The following SLC9A9 variants were observed in gnomAD, a reference collection of about 807,000 sequenced individuals.
The protein encoded by SLC9A9 is solute carrier family 9 member A9, also known as sodium/hydrogen exchanger 9.
In SLC9A9, 62 loss-of-function variants were observed where a neutral mutation model predicts 77.8. The ratio of observed to expected loss-of-function variants is 0.80; its 90% confidence interval spans 0.65 to 0.98. SLC9A9 has a LOEUF of 0.98. Among genes scored for constraint, SLC9A9 ranks in the 50% least tolerant of loss-of-function variants. The pLI is 0.00. For missense variants in SLC9A9, 775 were observed against 774.9 expected (o/e 1.00, Z 0.00); for synonymous variants, 320 against 283.5 (o/e 1.13, Z -1.29).
intron 6 of SLC9A9, among the ~76,000 whole-genome samples, chr3:143,606,566 A>C (rs1221666701): frequency 6.7e-6 from 1 of 150,218 alleles, no homozygotes; most frequent in East Asian, 1.9e-4. Context: ...AGATTTTCTA[A>C]AACAACTGCA....
intron 4 of SLC9A9, among the ~76,000 whole-genome samples, chr3:143,694,974 C>G (rs1162666007): frequency 6.6e-6 from 1 of 151,978 alleles, no homozygotes; most frequent in Non-Finnish European, 1.5e-5. Context: ...GAATCTTAAC[C>G]AGGCTGAAGG....
chr3:143,773,023 G>A (rs1311791328), intron 4 of SLC9A9, among the ~76,000 whole-genome samples: 2 of 152,206 alleles, frequency 1.3e-5, no homozygotes, highest in Non-Finnish European at 2.9e-5. Flanking sequence ...GGAAATCATG[G>A]TGGAGTTGAT....
chr3:143,593,522 A>G (rs1262376018), intron 6 of SLC9A9, among the ~76,000 whole-genome samples: 1 of 152,202 alleles, frequency 6.6e-6, no homozygotes, highest in Non-Finnish European at 1.5e-5. Context: ...AAATCCAATT[A>G]AAAAATACTT....
At chr3:143,750,834 T>C (rs988792093) in intron 4 of SLC9A9, among the ~76,000 whole-genome samples, 1 of 151,668 alleles carries the variant, frequency 6.6e-6, no homozygotes, top group Non-Finnish European at 1.5e-5. Flanking sequence ...AAGAACCTTT[T>C]GAAAAAATTT....
intron 6 of SLC9A9, among the ~76,000 whole-genome samples, chr3:143,599,355 A>C (rs1256911227): frequency 1.3e-5 from 2 of 152,246 alleles, no homozygotes; most frequent in Admixed American, 1.3e-4. Context: ...CTAATAATAA[A>C]AGGACTTTTC....
At chr3:143,294,314 G>T (rs2030153710) in intron 14 of SLC9A9, among the ~76,000 whole-genome samples, 2 of 152,190 alleles carry the variant, frequency 1.3e-5, no homozygotes. Context: ...GAGGGAGGAA[G>T]GGGGAGCGGT....
chr3:143,316,085 G>A (rs1273179201), intron 14 of SLC9A9, among the ~76,000 whole-genome samples: 1 of 152,212 alleles, frequency 6.6e-6, no homozygotes. Flanking sequence ...AGAATTGACG[G>A]ACATTAGGGA....
Position 143,446,860 on chromosome 3 carries a change from T to C in SLC9A9, c.1469+20177A>G, listed in dbSNP as rs575013935. Among the ~76,000 whole-genome samples the C allele has an allele frequency of 2.7e-5, 4 of 145,900 alleles. No homozygotes were observed. The East Asian group carries it at 8.3e-4, about 30-fold the overall frequency. Reference sequence around the variant, plus strand: ...TTAAAATGCTTCAATATGGCTGAGATATAAGGTAGGTGTGTATGTGTGTGT... The same window carrying C: ...TTAAAATGCTTCAATATGGCTGAGACATAAGGTAGGTGTGTATGTGTGTGT... On this transcript the variant is annotated intron_variant, in intron 12 of 15. Transcript: ENST00000316549.
chr3:143,549,467 A>C (rs1024706669), intron 9 of SLC9A9, among the ~76,000 whole-genome samples: 5 of 152,224 alleles, frequency 3.3e-5, no homozygotes, highest in African/African-American at 1.2e-4. Context: ...ATGAAGTGGA[A>C]GGGAATTAGC....
chr3:143,531,224 C>G (rs986960385), intron 9 of SLC9A9, among the ~76,000 whole-genome samples: 15 of 152,196 alleles, frequency 9.9e-5, no homozygotes, highest in Admixed American at 9.8e-4. Flanking sequence ...TCCGCTTGAG[C>G]ATTTTGGCCT....
In SLC9A9 at chr3:143,707,995, G is replaced by A. The variant is rs138564612; in HGVS notation, c.534-14688C>T. ...TTGCATGTTTGGGTCAGTTTCTGCT[G>A]CTATAGCAACCCACACAGCTGCCTG... On this transcript the variant is annotated intron_variant, in intron 4 of 15. Coordinates refer to ENST00000316549, the MANE Select transcript of SLC9A9 (RefSeq NM_173653.4). Among the ~76,000 whole-genome samples, 15 of 152,262 alleles carry A rather than the reference G, an allele frequency of 9.9e-5. No individual in the cohort carries two copies. In the East Asian group the frequency reaches 2.9e-3, roughly 29 times the overall value.
At chr3:143,386,574 AG>A (rs1309488673) in intron 12 of SLC9A9, among the ~76,000 whole-genome samples, 3 of 152,228 alleles carry the variant, frequency 2.0e-5, no homozygotes, top group Non-Finnish European at 4.4e-5. Flanking sequence ...CCTGTTATAT[AG>A]TAAGTTTTTA....
At chr3:143,500,909 A>C (rs975843521) in intron 9 of SLC9A9, among the ~76,000 whole-genome samples, 1 of 150,516 alleles carries the variant, frequency 6.6e-6, no homozygotes. Flanking sequence ...GAGTTTTATA[A>C]TATTTGGGAA....
intron 12 of SLC9A9, among the ~76,000 whole-genome samples, chr3:143,444,819 G>A (rs191234165): frequency 8.5e-5 from 13 of 152,302 alleles, no homozygotes; most frequent in Admixed American, 7.8e-4. Context: ...GGAAAGAAAG[G>A]TTTCATTCAA....
chr3:143,535,489 A>T (rs189128175), intron 9 of SLC9A9, among the ~76,000 whole-genome samples: 1 of 152,206 alleles, frequency 6.6e-6, no homozygotes, highest in Non-Finnish European at 1.5e-5. Flanking sequence ...TTTGGAAAAC[A>T]TTGTGTAACT....
intron 4 of SLC9A9, among the ~76,000 whole-genome samples, chr3:143,792,914 C>A (rs1200990883): frequency 2.6e-5 from 4 of 152,130 alleles, no homozygotes. Context: ...TCTGACTTTT[C>A]ATCTTCAAGC....
intron 6 of SLC9A9, among the ~76,000 whole-genome samples, chr3:143,611,101 A>G (rs1353495701): frequency 6.6e-6 from 1 of 152,232 alleles, no homozygotes; most frequent in Admixed American, 6.5e-5. Context: ...ATAGAAGGCT[A>G]GAAAAAAATT....
intron 4 of SLC9A9, among the ~76,000 whole-genome samples, chr3:143,756,232 C>T (rs2006919913): frequency 6.6e-6 from 1 of 152,168 alleles, no homozygotes. Flanking sequence ...AGGCCACAAT[C>T]CCATAACTAG....
rs2008781854 is a variant in SLC9A9 at position 143,808,474 on chromosome 3, CT to C, written c.379-11572del. ...GATTCTGGGCTCTTAGTACATTTGACTTTTGGTGTACAAAGCTTGGCTTGTA... is the reference window on the plus strand; with the variant it reads ...GATTCTGGGCTCTTAGTACATTTGACTTTGGTGTACAAAGCTTGGCTTGTA... On this transcript the variant is annotated intron_variant, in intron 2 of 15. Transcript: ENST00000316549. Among the ~76,000 whole-genome samples the C allele has an allele frequency of 3.3e-5, 5 of 152,166 alleles. No homozygotes were observed. The South Asian group carries it at 1.0e-3, about 31-fold the overall frequency.
Sources: gnomAD v4.1 joint callset for allele counts (sites outside exome capture counted in the v4.1 genomes callset) on GRCh38, gnomAD v4.1.1 for gene constraint, MANE v1.5 for transcripts, NCBI Gene and HGNC (gene_info 2026-07-23, HGNC 2026-07-21) for gene names.